The following EVI5 variants were observed in gnomAD, a reference collection of about 807,000 sequenced individuals.
EVI5 encodes the protein ecotropic viral integration site 5, also known as ecotropic viral integration site 5 protein homolog.
Under a neutral mutation model 112.0 loss-of-function variants are expected in EVI5, and 73 were observed. The ratio of observed to expected loss-of-function variants is 0.65; its 90% confidence interval spans 0.54 to 0.79. The LOEUF is 0.79. Ranked by LOEUF, EVI5 falls within the 30% of genes least tolerant of loss-of-function variation. The probability of loss-of-function intolerance (pLI) is 0.00; values close to 1 mark genes in which losing one functional copy is unlikely to be tolerated. For synonymous variants in EVI5, 305 were observed against 319.9 expected, an observed-to-expected ratio of 0.95 and a Z score of 0.50; for missense variants, 900 against 968.8, an observed-to-expected ratio of 0.93 and a Z score of 0.94.
intron 1 of EVI5, among the ~76,000 whole-genome samples, chr1:92,760,910 T>C (rs1350705508): frequency 2.7e-5 from 4 of 150,742 alleles, no homozygotes; most frequent in Non-Finnish European, 1.5e-5. Flanking sequence ...TACAAAAAAT[T>C]AAACGGGCGT....
chr1:92,676,912 A>T (rs182578122), intron 10 of EVI5, among the ~76,000 whole-genome samples: 6 of 152,342 alleles, frequency 3.9e-5, no homozygotes, highest in Non-Finnish European at 8.8e-5. Context: ...TTTCTTCTCC[A>T]TGGAAGTGTT....
chr1:92,741,081 T>C (rs1257813385), intron 1 of EVI5, among the ~76,000 whole-genome samples: 1 of 152,246 alleles, frequency 6.6e-6, no homozygotes, highest in Non-Finnish European at 1.5e-5. Context: ...CAGGTACTGT[T>C]GTAAACACTT....
At chr1:92,770,089 G>A (rs1468613902) in intron 1 of EVI5, among the ~76,000 whole-genome samples, 2 of 152,158 alleles carry the variant, frequency 1.3e-5, no homozygotes, top group Non-Finnish European at 2.9e-5. Context: ...AACGCAGCTC[G>A]AGAAGCTAGA....
At chr1:92,548,299 C>A (rs1360021596) in intron 19 of EVI5, among the ~76,000 whole-genome samples, 2 of 152,126 alleles carry the variant, frequency 1.3e-5, no homozygotes, top group Admixed American at 1.3e-4. Context: ...ATTCAACAGC[C>A]CTTCATGCTA....
intron 19 of EVI5, among the ~76,000 whole-genome samples, chr1:92,536,938 T>A (rs772177922): frequency 3.3e-5 from 5 of 152,156 alleles, no homozygotes; most frequent in Non-Finnish European, 5.9e-5. Context: ...AATAATACAA[T>A]CTTATAATTA....
At chr1:92,632,928 T>C (rs1657533603) in intron 14 of EVI5, among the ~76,000 whole-genome samples, 3 of 152,246 alleles carry the variant, frequency 2.0e-5, no homozygotes, top group Non-Finnish European at 4.4e-5. Flanking sequence ...CATTTTGTTA[T>C]GTACCCAGTA....
chr1:92,614,769 C>T (rs1652642432), intron 16 of EVI5, among the ~76,000 whole-genome samples: 1 of 145,090 alleles, frequency 6.9e-6, no homozygotes, highest in Non-Finnish European at 1.5e-5. Context: ...TTAATAAACT[C>T]ATATATATAT....
chr1:92,729,229 T>C (rs1676078832), intron 2 of EVI5, among the ~76,000 whole-genome samples: 3 of 152,214 alleles, frequency 2.0e-5, no homozygotes, highest in Non-Finnish European at 4.4e-5. Context: ...TCACAATGTA[T>C]GATAAATGCT....
chr1:92,596,379 G>C (rs548281503), intron 18 of EVI5, among the ~76,000 whole-genome samples: 2 of 151,876 alleles, frequency 1.3e-5, no homozygotes, highest in South Asian at 4.2e-4. Flanking sequence ...AACAAAAATA[G>C]CAACAAAAAA....
In EVI5 at chr1:92,513,915, A is replaced by T. The variant is rs1162931774; in HGVS notation, c.2222T>A (p.Ile741Asn). 5 of 1,601,110 alleles carry T rather than the reference A, an allele frequency of 3.1e-6. No individual in the cohort carries two copies. The African/African-American group carries it at 6.7e-5, about 21-fold the overall frequency. Residue 741 changes from isoleucine to asparagine, a missense_variant, in exon 20 of 20, where the codon ATC (isoleucine) becomes AAC (asparagine). Ile to Asn is a moderately radical substitution (Grantham distance 149). Coordinates refer to ENST00000684568, the MANE Select transcript of EVI5 (RefSeq NM_001350197.2). ...GFSGQPPFDG[I>N]HIVNHLIGDD... Reference sequence around the variant, plus strand: ...TCCTATTAAATGGTTGACAATGTGGATTCCATCAAAAGGAGGTTGGCCTGA... The same window carrying T: ...TCCTATTAAATGGTTGACAATGTGGTTTCCATCAAAAGGAGGTTGGCCTGA...
At chr1:92,669,520 C>A (rs1665484641) in intron 10 of EVI5, among the ~76,000 whole-genome samples, 1 of 102,686 alleles carries the variant, frequency 9.7e-6, no homozygotes, top group Admixed American at 1.4e-4. Context: ...TGCACTCCGG[C>A]CTGGGCAACG....
rs187665502 is a variant in EVI5 at position 92,653,548 on chromosome 1, C to G, written c.1392+9171G>C. ...ATGGAGATGGGGACTCCTCCTCAAC[C>G]CCACTGCTGTAGGCATAGCCATGGC... is the stretch of plus-strand genomic sequence containing the variant. On this transcript the variant is annotated intron_variant, in intron 13 of 19. Transcript: ENST00000684568. 2.0e-5 allele frequency among the ~76,000 whole-genome samples: 3 copies of G among 152,346 alleles called. No homozygotes were observed. The East Asian group carries it at 5.8e-4, about 29-fold the overall frequency.
chr1:92,654,959 C>T (rs186520001), intron 13 of EVI5, among the ~76,000 whole-genome samples: 1 of 152,128 alleles, frequency 6.6e-6, no homozygotes, highest in East Asian at 1.9e-4. Context: ...TGAACAAAGC[C>T]TTTGAGAAGT....
At position 92,771,893 on chromosome 1, in the gene EVI5, C is replaced by T. The variant is rs896614116; in HGVS notation, c.-82+12943G>A. Among the ~76,000 whole-genome samples, 14 of 151,976 alleles carry T rather than the reference C, an allele frequency of 9.2e-5. 1 individual carries two copies. Among genetic ancestry groups the T allele is most frequent in the Non-Finnish European group, 1.3e-4 (9 of 67,972 alleles). On this transcript the variant is annotated intron_variant, in intron 1 of 19. Coordinates refer to ENST00000684568, the MANE Select transcript of EVI5 (RefSeq NM_001350197.2). ...TTTTTGAGACGGAGTCTCGCTCTGT[C>T]GCCCAGGCTGGAGTGCAATGGTGCA...
At chr1:92,534,293 A>C (rs1000745219) in intron 19 of EVI5, among the ~76,000 whole-genome samples, 1 of 152,252 alleles carries the variant, frequency 6.6e-6, no homozygotes, top group Non-Finnish European at 1.5e-5. Flanking sequence ...ACACAAACAA[A>C]TGGAAAAACA....
At chr1:92,674,370 T>C (rs1004623238) in intron 10 of EVI5, among the ~76,000 whole-genome samples, 1 of 151,550 alleles carries the variant, frequency 6.6e-6, no homozygotes, top group Non-Finnish European at 1.5e-5. Context: ...AAAGGATGAG[T>C]TCATGTCCTG....
intron 13 of EVI5, among the ~76,000 whole-genome samples, chr1:92,654,258 T>C (rs140647263): frequency 6.6e-6 from 1 of 152,212 alleles, no homozygotes; most frequent in Non-Finnish European, 1.5e-5. Context: ...CACCACCTAC[T>C]GTCCTGGAGG....
At chr1:92,634,142 T>C (rs1245539521) in intron 14 of EVI5, among the ~76,000 whole-genome samples, 1 of 152,190 alleles carries the variant, frequency 6.6e-6, no homozygotes, top group Non-Finnish European at 1.5e-5. Flanking sequence ...CTTTGGTGAA[T>C]CTGACAATTA....
intron 9 of EVI5, among the ~76,000 whole-genome samples, chr1:92,686,383 G>C (rs1668538624): frequency 6.6e-6 from 1 of 152,168 alleles, no homozygotes; most frequent in Non-Finnish European, 1.5e-5. Flanking sequence ...ACTAGGTATT[G>C]ATGGAACGTA....
Sources: gnomAD v4.1 joint callset for allele counts (sites outside exome capture counted in the v4.1 genomes callset) on GRCh38, gnomAD v4.1.1 for gene constraint, MANE v1.5 for transcripts, NCBI Gene and HGNC (gene_info 2026-07-23, HGNC 2026-07-21) for gene names.